Variants in DNAH5 observed in about 807,000 individuals in gnomAD.
DNAH5 encodes axonemal beta dynein heavy chain 5.
A neutral mutation model predicts 518.2 loss-of-function variants in DNAH5; 372 were observed. The observed-to-expected ratio is 0.72, with a 90% CI of 0.66 to 0.78. The LOEUF (loss-of-function observed/expected upper bound fraction) is 0.78, where lower values mean the gene tolerates loss of function less well. Ranked by LOEUF, DNAH5 falls within the 30% of genes least tolerant of loss-of-function variation. DNAH5 has a pLI of 0.00. For missense variants in DNAH5, 5,523 were observed against 5,687.0 expected (o/e 0.97, Z 0.93); for synonymous variants, 2,039 against 2,025.9 (o/e 1.01, Z -0.17).
chr5:13,964,180 T>G (rs1781381674), intron 1 of DNAH5, among the ~76,000 whole-genome samples: 1 of 152,208 alleles, frequency 6.6e-6, no homozygotes, highest in African/African-American at 2.4e-5. Context: ...TGACTTTTTT[T>G]TTCCTTTAGT....
At chr5:13,897,317 T>TA (rs1255000422) in intron 15 of DNAH5, among the ~76,000 whole-genome samples, 8 of 152,204 alleles carry the variant, frequency 5.3e-5, no homozygotes, top group Admixed American at 5.2e-4. Flanking sequence ...GTCCACCAGT[T>TA]ATTCTATCTG....
chr5:13,982,312 C>A (rs2152067619), intron 1 of DNAH5, among the ~76,000 whole-genome samples: 1 of 152,410 alleles, frequency 6.6e-6, no homozygotes, highest in Admixed American at 6.5e-5. Context: ...TACCCCATTG[C>A]TCAGCCTTTC....
chr5:13,746,662 T>C (rs73749946), intron 65 of DNAH5, among the ~76,000 whole-genome samples: 1 of 152,104 alleles, frequency 6.6e-6, no homozygotes, highest in Non-Finnish European at 1.5e-5. Context: ...TGGGAGGCAA[T>C]TAGTATTAAC....
intron 15 of DNAH5, chr5:13,899,790 CCAAA>C (rs1414058700): frequency 4.9e-6 from 1 of 203,982 alleles, no homozygotes; most frequent in Non-Finnish European, 1.0e-5. Flanking sequence ...TCTAAATTCT[CCAAA>C]CAACTCTGCT....
chr5:13,786,453 C>T, intron 51 of DNAH5, 102 bp from the exon 52 acceptor site: 13 of 1,196,580 alleles, frequency 1.1e-5, no homozygotes, highest in Non-Finnish European at 1.5e-5. Context: ...CACTGAATAA[C>T]ATTCATTTTA....
intron 66 of DNAH5, among the ~76,000 whole-genome samples, chr5:13,736,232 C>T (rs1747392506): frequency 1.3e-5 from 2 of 152,096 alleles, no homozygotes; most frequent in Non-Finnish European, 2.9e-5. Flanking sequence ...AAAGAAATTT[C>T]AAAGGTTGTG....
At chr5:13,916,545 T>C (rs190188582) in intron 8 of DNAH5, 90 bp from the exon 9 acceptor site, 26 of 644,838 alleles carry the variant, frequency 4.0e-5, no homozygotes, top group Admixed American at 8.7e-5. Flanking sequence ...TAAAATAAAG[T>C]TTAAGAGCTT....
intron 1 of DNAH5, among the ~76,000 whole-genome samples, chr5:13,979,218 G>A (rs1782496452): frequency 6.6e-6 from 1 of 152,008 alleles, no homozygotes; most frequent in African/African-American, 2.4e-5. Flanking sequence ...TGTCCAGCAA[G>A]TCCCTCCTCA....
At chr5:13,872,931 GAT>G (rs1451077587) in intron 22 of DNAH5, among the ~76,000 whole-genome samples, 1 of 152,088 alleles carries the variant, frequency 6.6e-6, no homozygotes, top group African/African-American at 2.4e-5. Context: ...CAGAATGATA[GAT>G]AATAGAGACT....
Position 13,786,222 on chromosome 5 carries a change from A to T in DNAH5, c.8777T>A (p.Met2926Lys), listed in dbSNP as rs372071561. The T allele has an allele frequency of 3.7e-6, 6 of 1,614,106 alleles. No individual in the cohort carries two copies. The part of the protein sequence containing the change: ...LYNESIRGAG[M>K]DMVFFADAMV... ...GGCATCTGCAAAGAACACCATGTCC[A>T]TGCCGGCGCCACGGATGCTCTCATT... is the stretch of plus-strand genomic sequence containing the variant. The change falls in exon 52 of 79, where the codon ATG (methionine) becomes AAG (lysine). Residue 2926 changes from methionine to lysine, a missense_variant. Physicochemically the swap from Met to Lys is moderately conservative, Grantham distance 95 (BLOSUM62 -1). This residue lies in a region of DNAH5 where 5,121 missense variants were observed against 5,223.3 expected (regional missense o/e 0.98). Transcript: ENST00000265104.
Position 13,814,111 on chromosome 5 carries a change from T to A in DNAH5, c.7230+494A>T, listed in dbSNP as rs564920651. Reference sequence around the variant, plus strand: ...AATAATATACCTGATTATGAATTGATGAGATGTTATCTGAAATATTATTGC... The same window carrying A: ...AATAATATACCTGATTATGAATTGAAGAGATGTTATCTGAAATATTATTGC... On this transcript the variant is annotated intron_variant, in intron 43 of 78. Transcript: ENST00000265104. 8.0e-4 allele frequency among the ~76,000 whole-genome samples: 122 copies of A among 152,320 alleles called. 1 individual carries two copies. The highest frequency in any genetic ancestry group is 2.8e-3 in the African/African-American group (118 of 41,584).
chr5:13,780,861 A>G lies in DNAH5; in HGVS notation c.8919T>C (p.Ala2973=), dbSNP rs1170573831. ...QSLTRLASFI[A]GYVSFQITLT... ...GAGTGATCTGGAAGGAAACGTAGCC[A>G]GCAATGAATGAAGCCAACCTCGTCA... The change falls in exon 53 of 79, where the codon GCT becomes GCC. Residue 2973 remains alanine, a synonymous_variant. Transcript: ENST00000265104. 1.9e-6 allele frequency: 3 copies of G among 1,613,680 alleles called. No individual in the cohort carries two copies. The highest frequency in any genetic ancestry group is 2.5e-6 in the Non-Finnish European group (3 of 1,179,782).
chr5:13,706,255 C>T (rs756673890), intron 76 of DNAH5, among the ~76,000 whole-genome samples: 1 of 152,336 alleles, frequency 6.6e-6, no homozygotes, highest in South Asian at 2.1e-4. Context: ...TCCATGCCTG[C>T]ATTTCTGTCT....
intron 70 of DNAH5, among the ~76,000 whole-genome samples, chr5:13,722,696 G>A (rs1292360754): frequency 1.3e-5 from 2 of 152,210 alleles, no homozygotes; most frequent in Non-Finnish European, 2.9e-5. Context: ...ACAAAAAGAG[G>A]AGCATTTACA....
At chr5:13,966,484 G>A (rs1781538376) in intron 1 of DNAH5, among the ~76,000 whole-genome samples, 1 of 152,196 alleles carries the variant, frequency 6.6e-6, no homozygotes, top group African/African-American at 2.4e-5. Context: ...CCCACCAGCA[G>A]TGTAAAAGTG....
At position 13,714,425 on chromosome 5, in the gene DNAH5, G is replaced by A; in HGVS notation, c.13105C>T (p.Pro4369Ser). 3 of 1,614,086 alleles carry A rather than the reference G, an allele frequency of 1.9e-6. No homozygotes were observed. The highest frequency in any genetic ancestry group is 2.2e-5 in the South Asian group (2 of 91,076). ...CTCACTTCAAAGGGGACATAGTCTG[G>A]GGGCAGCTTCTCCAGCATATCATCA... is the stretch of plus-strand genomic sequence containing the variant. ...LADDMLEKLP[P>S]DYVPFEVKER... The change falls in exon 75 of 79, where the codon CCA becomes TCA. Residue 4369 changes from proline (P) to serine (S), a missense_variant. Coordinates refer to ENST00000265104, the MANE Select transcript of DNAH5 (RefSeq NM_001369.3).
chr5:13,868,926 T>G (rs1445097148), intron 24 of DNAH5, among the ~76,000 whole-genome samples: 2 of 152,214 alleles, frequency 1.3e-5, no homozygotes, highest in East Asian at 1.9e-4. Flanking sequence ...AGTTATGTCT[T>G]CCGAATAACT....
At chr5:13,743,677 A>G (rs1469117389) in intron 65 of DNAH5, among the ~76,000 whole-genome samples, 1 of 152,158 alleles carries the variant, frequency 6.6e-6, no homozygotes, top group African/African-American at 2.4e-5. Context: ...CTCAAAAGAC[A>G]TAAAAATGGC....
At chr5:13,745,010 T>A (rs902513170) in intron 65 of DNAH5, among the ~76,000 whole-genome samples, 1 of 152,086 alleles carries the variant, frequency 6.6e-6, no homozygotes, top group African/African-American at 2.4e-5. Context: ...CATGTCAGTT[T>A]CACCAAGTTC....
Sources: allele counts gnomAD v4.1 joint callset (sites outside exome capture counted in the v4.1 genomes callset), GRCh38; gene constraint gnomAD v4.1.1; regional missense constraint gnomAD v4.1.1; transcripts MANE v1.5; gene names NCBI Gene and HGNC (gene_info 2026-07-23, HGNC 2026-07-21).